Variants in SREK1IP1 observed in about 807,000 individuals in gnomAD.
SREK1IP1 encodes the protein SREK1 interacting protein 1.
A neutral mutation model predicts 22.8 loss-of-function variants in SREK1IP1; 12 were observed. That is an observed-to-expected ratio of 0.53 (90% CI 0.34 to 0.85). The LOEUF (loss-of-function observed/expected upper bound fraction) is 0.85, where lower values mean the gene tolerates loss of function less well. SREK1IP1 is among the 40% of genes least tolerant of loss of function. The pLI is 0.02. For synonymous variants in SREK1IP1, 53 were observed against 52.7 expected, an observed-to-expected ratio of 1.01 and a Z score of -0.02; for missense variants, 147 against 171.8, an observed-to-expected ratio of 0.86 and a Z score of 0.81.
In SREK1IP1 at chr5:64,720,528, GAT is replaced by G. The variant is rs1742139874; in HGVS notation, c.*3854_*3855del. 1 of 137,140 alleles carries G rather than the reference GAT, an allele frequency of 7.3e-6. No homozygotes were observed. Among genetic ancestry groups the G allele is most frequent in the Non-Finnish European group, 1.5e-5 (1 of 65,614 alleles). The allele number at this position is 137,140 out of a possible 1,614,324, so 8.5% of individuals were successfully genotyped here. A position where few individuals can be genotyped will look rare whatever the true frequency, so the allele number is the denominator to read the frequency against. On this transcript the variant is annotated 3_prime_UTR_variant, in exon 5 of 5. Coordinates refer to ENST00000513458, the MANE Select transcript of SREK1IP1 (RefSeq NM_173829.4). Reference sequence around the variant, plus strand: ...CCTTAAAATCTTTTTTTTTTTTTGAGATAGAGTCTCGCTCTGTCGCCCAGGCT... The same window carrying G: ...CCTTAAAATCTTTTTTTTTTTTTGAGAGAGTCTCGCTCTGTCGCCCAGGCT...
At chr5:64,762,317 T>C (rs1016927402) in intron 1 of SREK1IP1, among the ~76,000 whole-genome samples, 2 of 152,196 alleles carry the variant, frequency 1.3e-5, no homozygotes, top group African/African-American at 4.8e-5. Flanking sequence ...CTTTTCATTT[T>C]TAATTGGATT....
rs914955115 is a variant in SREK1IP1, at chr5:64,721,493, A to C, written c.*2891T>G. ...ATTTATTGTTGTTTTGACCTCAGAG[A>C]GTCAAAGATGTAAATGGAGATGTAT... On this transcript the variant is annotated 3_prime_UTR_variant, in exon 5 of 5. Transcript: ENST00000513458. 1.6e-4 allele frequency: 24 copies of C among 152,092 alleles called. No homozygotes were observed. Among genetic ancestry groups the C allele is most frequent in the Admixed American group, 7.9e-4 (12 of 15,268 alleles). The allele number at this position is 152,092 out of a possible 1,614,324, so 9.4% of individuals were successfully genotyped here. A position where few individuals can be genotyped will look rare whatever the true frequency, so the allele number is the denominator to read the frequency against.
intron 2 of SREK1IP1, among the ~76,000 whole-genome samples, chr5:64,750,094 C>T (rs545289985): frequency 9.4e-4 from 143 of 152,250 alleles, no homozygotes; most frequent in Non-Finnish European, 1.3e-3. Flanking sequence ...AGCCCTGCCA[C>T]GAGATTGAAT....
At chr5:64,767,336 TTC>T (rs944975467) in intron 1 of SREK1IP1, among the ~76,000 whole-genome samples, 55 of 152,304 alleles carry the variant, frequency 3.6e-4, no homozygotes, top group African/African-American at 1.3e-3. Flanking sequence ...TTCTGTAAAT[TTC>T]TCTCTCTTCA....
At chr5:64,765,515 C>T (rs1425477432) in intron 1 of SREK1IP1, among the ~76,000 whole-genome samples, 1 of 152,132 alleles carries the variant, frequency 6.6e-6, no homozygotes, top group East Asian at 1.9e-4. Context: ...TCCTTTAATA[C>T]CCTGTCTGGA....
rs113472638 is a variant in SREK1IP1 at position 64,761,764 on chromosome 5, G to A, written c.13+6741C>T. Among the ~76,000 whole-genome samples, 677 of 152,256 alleles carry A rather than the reference G, an allele frequency of 4.4e-3. 4 individuals are homozygous for A. The highest frequency in any genetic ancestry group is 0.015 in the African/African-American group (633 of 41,534). On this transcript the variant is annotated intron_variant, in intron 1 of 4. Coordinates refer to ENST00000513458, the MANE Select transcript of SREK1IP1 (RefSeq NM_173829.4). ...ACCCCAGTTGCCAGCTAAGAAATAC[G>A]CGTGTGCGTATACACACACACTCAA... is the stretch of plus-strand genomic sequence containing the variant.
chr5:64,735,684 T>G (rs192086354), intron 3 of SREK1IP1, among the ~76,000 whole-genome samples: 1 of 152,278 alleles, frequency 6.6e-6, no homozygotes. Context: ...CCCTTTTATG[T>G]CCACATGATC....
chr5:64,739,853 T>C (rs138301531), intron 3 of SREK1IP1, among the ~76,000 whole-genome samples: 27 of 152,174 alleles, frequency 1.8e-4, no homozygotes, highest in African/African-American at 6.3e-4. Context: ...GCACCTTACA[T>C]TTGACTTCTT....
At chr5:64,728,038 A>G in intron 4 of SREK1IP1, 69 bp downstream of exon 4, 2 of 1,137,824 alleles carry the variant, frequency 1.8e-6, no homozygotes, top group Non-Finnish European at 1.1e-6. Context: ...TACACAAAAA[A>G]TAAAATTTTA....
chr5:64,729,570 A>G (rs894225322), intron 3 of SREK1IP1, among the ~76,000 whole-genome samples: 2 of 152,244 alleles, frequency 1.3e-5, no homozygotes. Flanking sequence ...GGCAACAGTA[A>G]GGATTTTACA....
chr5:64,748,256 T>C (rs553565141), intron 2 of SREK1IP1, among the ~76,000 whole-genome samples: 1 of 152,216 alleles, frequency 6.6e-6, no homozygotes, highest in African/African-American at 2.4e-5. Flanking sequence ...AAAGGACAAA[T>C]ATGTATGATT....
intron 1 of SREK1IP1, among the ~76,000 whole-genome samples, chr5:64,758,974 C>G (rs949203775): frequency 6.6e-6 from 1 of 152,218 alleles, no homozygotes; most frequent in Admixed American, 6.5e-5. Context: ...CAACTGAATG[C>G]TTCTACCCAA....
intron 1 of SREK1IP1, among the ~76,000 whole-genome samples, chr5:64,755,969 A>G (rs1165679456): frequency 1.3e-5 from 2 of 152,110 alleles, no homozygotes; most frequent in African/African-American, 2.4e-5. Flanking sequence ...TATAATTGCT[A>G]GGTATTATAA....
chr5:64,766,757 A>T (rs552445190), intron 1 of SREK1IP1, among the ~76,000 whole-genome samples: 1 of 152,358 alleles, frequency 6.6e-6, no homozygotes, highest in South Asian at 2.1e-4. Flanking sequence ...CAGCTGTCTC[A>T]TAATAGGCAA....
In SREK1IP1 at chr5:64,768,098, T is replaced by C. The variant is rs570410739; in HGVS notation, c.13+407A>G. ...TAGAACCCGCACACCCGGTGGGTCC[T>C]AGCGACTTCTAAGACAAACGATGCC... On this transcript the variant is annotated intron_variant, in intron 1 of 4. Transcript: ENST00000513458. 2.0e-5 allele frequency among the ~76,000 whole-genome samples: 3 copies of C among 152,302 alleles called. No individual in the cohort carries two copies. In the East Asian group the frequency reaches 5.8e-4, roughly 29 times the overall value.
At chr5:64,754,287 A>G in intron 2 of SREK1IP1, 28 bp downstream of exon 2, 1 of 1,611,258 alleles carries the variant, frequency 6.2e-7, no homozygotes, top group Non-Finnish European at 8.5e-7. Flanking sequence ...TGAATAATGC[A>G]AAGCATGTCA....
At chr5:64,728,258 A>C (rs1580537464) in intron 3 of SREK1IP1, 79 bp from the exon 4 acceptor site, 1 of 1,169,244 alleles carries the variant, frequency 8.6e-7, no homozygotes, top group South Asian at 3.2e-5. Flanking sequence ...TATATGTTAA[A>C]ATTTTAGCTG....
At chr5:64,751,620 G>A (rs1476574614) in intron 2 of SREK1IP1, among the ~76,000 whole-genome samples, 1 of 152,122 alleles carries the variant, frequency 6.6e-6, no homozygotes, top group African/African-American at 2.4e-5. Flanking sequence ...TATAATCTTT[G>A]GGCTCTACAT....
chr5:64,760,540 T>A (rs76511627), intron 1 of SREK1IP1, among the ~76,000 whole-genome samples: 1 of 152,264 alleles, frequency 6.6e-6, no homozygotes, highest in Admixed American at 6.5e-5. Flanking sequence ...TGCAGACTGA[T>A]AGGCCTGCAG....
Sources: gnomAD v4.1 joint callset for allele counts (sites outside exome capture counted in the v4.1 genomes callset) on GRCh38, gnomAD v4.1.1 for gene constraint, MANE v1.5 for transcripts, NCBI Gene and HGNC (gene_info 2026-07-23, HGNC 2026-07-21) for gene names.